Variants in NAB2 observed in about 807,000 individuals in gnomAD.
The protein encoded by NAB2 is NGFI-A binding protein 2, also known as NGFI-A-binding protein 2.
Under a neutral mutation model 44.2 loss-of-function variants are expected in NAB2, and 9 were observed. The ratio of observed to expected loss-of-function variants is 0.20; its 90% CI spans 0.12 to 0.36. NAB2 has a LOEUF of 0.36. Among genes scored for constraint, NAB2 ranks in the 10% least tolerant of loss-of-function variants. The pLI is 1.00. For missense variants in NAB2, 514 were observed against 709.0 expected, an observed-to-expected ratio of 0.73 and a Z score of 3.12; for synonymous variants, 342 against 291.0, an observed-to-expected ratio of 1.18 and a Z score of -1.78.
intron 3 of NAB2, 130 bp from the exon 4 acceptor site, chr12:57,092,787 T>G (rs561187353): frequency 5.1e-6 from 7 of 1,366,220 alleles, no homozygotes; most frequent in Non-Finnish European, 7.2e-6. Context: ...GTGCTTGAAC[T>G]AGAGACTCTT....
intron 1 of NAB2, among the ~76,000 whole-genome samples, chr12:57,089,558 T>A (rs1048179651): frequency 6.6e-6 from 1 of 151,344 alleles, no homozygotes; most frequent in African/African-American, 2.4e-5. Flanking sequence ...TATGAAAGAG[T>A]AGTACCCAAA....
At chr12:57,094,509 G>A (rs2033294671) in intron 6 of NAB2, 103 bp from the exon 7 acceptor site, 1 of 911,014 alleles carries the variant, frequency 1.1e-6, no homozygotes, top group African/African-American at 1.6e-5. Context: ...AACCTAAACT[G>A]AGCCCATCTT....
intron 2 of NAB2, 161 bp downstream of exon 2, chr12:57,092,159 T>C: frequency 7.9e-7 from 1 of 1,269,928 alleles, no homozygotes; most frequent in Admixed American, 2.9e-5. Flanking sequence ...GCGGCCGCAG[T>C]GCTTCCATCC....
rs758077167 is a variant in NAB2, at chr12:57,093,594, C to T, written c.1464C>T (p.Leu488=). The T allele has an allele frequency of 3.8e-5, 57 of 1,508,666 alleles. No homozygotes were observed. The Middle Eastern group carries it at 5.1e-4, about 14-fold the overall frequency. The allele number at this position is 1,508,666 out of a possible 1,614,324, so 93.5% of individuals were successfully genotyped here. The change falls in exon 6 of 7, where the codon CTC becomes CTT. Residue 488 remains leucine (L), a synonymous_variant. Transcript: ENST00000300131. The part of the protein sequence containing the change: ...LSPCVPAKPP[L]AEFEEGLLDR... ...CCTGTGTGCCTGCGAAGCCACCTCTCGCAGGTGAGGCAGCCAGCAGTGCTG... is the reference window on the plus strand; with the variant it reads ...CCTGTGTGCCTGCGAAGCCACCTCTTGCAGGTGAGGCAGCCAGCAGTGCTG...
intron 4 of NAB2, 37 bp from the exon 5 acceptor site, chr12:57,093,026 T>C: frequency 6.2e-7 from 1 of 1,614,022 alleles, no homozygotes; most frequent in African/African-American, 1.3e-5. Flanking sequence ...TCCCCTCCCT[T>C]GGCAGGTCTT....
At chr12:57,094,222 G>A (rs147010901) in intron 6 of NAB2, among the ~76,000 whole-genome samples, 632 of 150,482 alleles carry the variant, frequency 4.2e-3, no homozygotes, top group Middle Eastern at 0.017. Flanking sequence ...AAAACTTGGG[G>A]GGCCATGGTA....
At chr12:57,093,698 G>A (rs1008908140) in intron 6 of NAB2, 100 bp downstream of exon 6, 1 of 1,272,032 alleles carries the variant, frequency 7.9e-7, no homozygotes, top group South Asian at 1.6e-5. Context: ...GAGGGATATA[G>A]TCGTCAGAGA....
intron 1 of NAB2, among the ~76,000 whole-genome samples, chr12:57,089,952 C>T (rs1185615700): frequency 6.6e-6 from 1 of 152,142 alleles, no homozygotes; most frequent in Non-Finnish European, 1.5e-5. Context: ...GGAGAGTAGG[C>T]GGGAGCCCCT....
At chr12:57,090,749 G>A (rs2033168630) in intron 1 of NAB2, among the ~76,000 whole-genome samples, 2 of 152,258 alleles carry the variant, frequency 1.3e-5, no homozygotes, top group African/African-American at 2.4e-5. Context: ...GGAAGGTGAG[G>A]ATTGTGTTTT....
At chr12:57,090,721 C>T (rs1172591209) in intron 1 of NAB2, among the ~76,000 whole-genome samples, 1 of 152,212 alleles carries the variant, frequency 6.6e-6, no homozygotes, top group Non-Finnish European at 1.5e-5. Flanking sequence ...AGTGTTGAGA[C>T]TGCTGAGTGT....
Position 57,091,041 on chromosome 12 carries a change from A to G in NAB2, c.84-84A>G. 1 of 1,186,952 alleles carries G rather than the reference A, an allele frequency of 8.4e-7. No homozygotes were observed. The highest frequency in any genetic ancestry group is 1.2e-6 in the Non-Finnish European group (1 of 853,182). The allele number at this position is 1,186,952 out of a possible 1,614,324, so 73.5% of individuals were successfully genotyped here. On this transcript the variant is annotated intron_variant, in intron 1 of 6. Coordinates refer to ENST00000300131, the MANE Select transcript of NAB2 (RefSeq NM_005967.4). The surrounding 1 kb of genome is among the most constrained non-coding windows in gnomAD (Gnocchi z 7.3). ...GGGAGGGGAAGAAAAGCAGGCAGGA[A>G]AGAGGGAACAATTGTTAGTGTGGGT...
rs1371628132 is a variant in NAB2, at chr12:57,092,680, G to A, written c.1091+99G>A. On this transcript the variant is annotated intron_variant, in intron 3 of 6. Transcript: ENST00000300131. ...TCAGGCAGCTCTAGGCCTGCTTCCC[G>A]CCCACCTGGATGTCCTGCTTTTGGC... The A allele has an allele frequency of 6.1e-6, 9 of 1,472,802 alleles. No homozygotes were observed. The East Asian group carries it at 9.6e-5, about 16-fold the overall frequency. The allele number at this position is 1,472,802 out of a possible 1,614,324, so 91.2% of individuals were successfully genotyped here.
chr12:57,091,960 T>A lies in NAB2; in HGVS notation c.919T>A (p.Ser307Thr). The A allele has an allele frequency of 6.2e-7, 1 of 1,613,166 alleles. No homozygotes were observed. The highest frequency in any genetic ancestry group is 8.5e-7 in the Non-Finnish European group (1 of 1,179,274). Residue 307 changes from serine to threonine, a missense_variant, in exon 2 of 7, where the codon TCT becomes ACT. Around this residue, in one of 5 missense-constraint regions of NAB2, gnomAD observed 53 missense variants for 108.5 expected, o/e 0.49. Coordinates refer to ENST00000300131, the MANE Select transcript of NAB2 (RefSeq NM_005967.4). This position sits in a 1 kb window ranked among gnomAD's most constrained non-coding sequence, Gnocchi z 7.3. ...KYSIIYGRFD[S>T]KRREGKQLSL... ...CAGCATCATCTATGGCCGTTTCGAC[T>A]CTAAGCGGCGGGAGGGCAAGCAGCT...
At position 57,091,064 on chromosome 12, in the gene NAB2, G is replaced by C; in HGVS notation, c.84-61G>C. 7.3e-7 allele frequency: 1 copy of C among 1,367,256 alleles called. No homozygotes were observed. Among genetic ancestry groups the C allele is most frequent in the Non-Finnish European group, 9.9e-7 (1 of 1,007,786 alleles). 84.7% of individuals were successfully genotyped at this position (1,367,256 alleles called of 1,614,324 possible). The stretch of plus-strand genomic sequence containing the variant: ...GAAAGAGGGAACAATTGTTAGTGTG[G>C]GTTGGTACCCAGTAGGGGGACTTGC... On this transcript the variant is annotated intron_variant, in intron 1 of 6. Coordinates refer to ENST00000300131, the MANE Select transcript of NAB2 (RefSeq NM_005967.4). The surrounding 1 kb of genome is among the most constrained non-coding windows in gnomAD (Gnocchi z 7.3).
At chr12:57,093,232 G>A (rs1459577524) in intron 5 of NAB2, 37 bp downstream of exon 5, 57 of 1,556,304 alleles carry the variant, frequency 3.7e-5, no homozygotes, top group Non-Finnish European at 4.3e-5. Context: ...CTTCATTGAG[G>A]GTGGGGGAGT....
chr12:57,089,712 T>G (rs2136541188), intron 1 of NAB2, among the ~76,000 whole-genome samples: 1 of 125,646 alleles, frequency 8.0e-6, no homozygotes, highest in East Asian at 2.3e-4. Flanking sequence ...GTTGCCTCAG[T>G]CCCTCGTTGG....
Position 57,091,136 on chromosome 12 carries a change from G to C in NAB2, c.95G>C (p.Arg32Pro), listed in dbSNP as rs778572735. The C allele has an allele frequency of 5.9e-6, 9 of 1,515,158 alleles. No homozygotes were observed. The highest frequency in any genetic ancestry group is 8.0e-6 in the Non-Finnish European group (9 of 1,131,272). The allele number at this position is 1,515,158 out of a possible 1,614,324, so 93.9% of individuals were successfully genotyped here. ...CCCCTCCTTCTCAGGCCCAGTGCCC[G>C]AGCCATGGCACTGCCTCGGACGCTG... ...TLQPRLKPSA[R>P]AMALPRTLGE... The change falls in exon 2 of 7, where the codon CGA (arginine) becomes CCA (proline). Residue 32 changes from arginine to proline, a missense_variant. By Grantham distance (103) the Arg-to-Pro change is moderately radical. Coordinates refer to ENST00000300131, the MANE Select transcript of NAB2 (RefSeq NM_005967.4). The surrounding 1 kb of genome is among the most constrained non-coding windows in gnomAD (Gnocchi z 7.3).
At position 57,093,315 on chromosome 12, in the gene NAB2, G is replaced by C. The variant is rs930823547; in HGVS notation, c.1277-92G>C. On this transcript the variant is annotated intron_variant, in intron 5 of 6. Transcript: ENST00000300131. ...CAGGGTTGGGAGACCTGGCTGGAGG[G>C]GGGGCAGAAGGGCCTGTGGGCTGGC... The C allele has an allele frequency of 4.4e-5, 64 of 1,464,520 alleles. 1 individual carries two copies. Among genetic ancestry groups the C allele is most frequent in the South Asian group, 3.9e-4 (28 of 71,772 alleles). The allele number at this position is 1,464,520 out of a possible 1,614,324, so 90.7% of individuals were successfully genotyped here. A position where few individuals can be genotyped will look rare whatever the true frequency, so the allele number is the denominator to read the frequency against.
At chr12:57,093,851 G>C (rs1431101957) in intron 6 of NAB2, among the ~76,000 whole-genome samples, 1 of 152,116 alleles carries the variant, frequency 6.6e-6, no homozygotes, top group Non-Finnish European at 1.5e-5. Context: ...ACAGAGAAAA[G>C]AGGATGAAGG....
Sources: gnomAD v4.1 joint callset for allele counts (sites outside exome capture counted in the v4.1 genomes callset) on GRCh38, gnomAD v4.1.1 for gene constraint, gnomAD v4.1.1 regional missense constraint, Gnocchi (gnomAD v3.1) non-coding constraint, MANE v1.5 for transcripts, NCBI Gene and HGNC (gene_info 2026-07-23, HGNC 2026-07-21) for gene names.